BRCA2: variants seen among roughly 807,000 people sequenced by gnomAD.
BRCA2 encodes breast cancer type 2 susceptibility protein.
A neutral mutation model predicts 276.7 loss-of-function variants in BRCA2; 203 were observed. The observed-to-expected ratio is 0.73, with a 90% CI of 0.65 to 0.82. BRCA2 has a LOEUF of 0.82. BRCA2 is among the 40% of genes least tolerant of loss of function. The pLI, the probability that BRCA2 is intolerant of heterozygous loss-of-function variation, is 0.00. For synonymous variants in BRCA2, 1,289 were observed against 1,338.4 expected (o/e 0.96, Z 0.81); for missense variants, 3,920 against 3,915.0 (o/e 1.00, Z -0.03).
chr13:32,357,719 TTG>T, intron 15 of BRCA2, 21 bp from the exon 16 acceptor site: 1 of 1,601,294 alleles, frequency 6.2e-7, no homozygotes, highest in Middle Eastern at 1.7e-4. Context: ...TTTTTCTTTT[TTG>T]TGTGTGTTTA....
intron 13 of BRCA2, among the ~76,000 whole-genome samples, chr13:32,353,990 A>G (rs573436754): frequency 7.2e-5 from 11 of 152,364 alleles, no homozygotes; most frequent in African/African-American, 2.6e-4. Context: ...AATTTAAGCA[A>G]TGGAAATGAC....
rs561867693 is a variant in BRCA2, at chr13:32,323,343, C to G, written c.317-1733C>G. Among the ~76,000 whole-genome samples the G allele has an allele frequency of 2.6e-5, 4 of 152,004 alleles. No individual in the cohort carries two copies. In the East Asian group the frequency reaches 5.8e-4, roughly 22 times the overall value. ...GATTTTTTTGTATTTTTAGTAGAGA[C>G]GGGGTTTCACTGTGTTAGCCAGGAT... On this transcript the variant is annotated intron_variant, in intron 3 of 26. Transcript: ENST00000380152.
chr13:32,357,159 T>C (rs972815316), intron 15 of BRCA2, among the ~76,000 whole-genome samples: 1 of 152,202 alleles, frequency 6.6e-6, no homozygotes, highest in African/African-American at 2.4e-5. Flanking sequence ...TGTTACTTTG[T>C]TTCCATTTTG....
rs587781965 is a variant in BRCA2, at chr13:32,340,644, A to G, written c.6289A>G (p.Thr2097Ala). Residue 2097 changes from threonine to alanine, a missense_variant, in exon 11 of 27, where the codon ACG becomes GCG. Physicochemically the swap from Thr to Ala is moderately conservative, Grantham distance 58 (BLOSUM62 0). Coordinates refer to ENST00000380152, the MANE Select transcript of BRCA2 (RefSeq NM_000059.4). ...RTEHSLHYSP[T>A]SRQNVSKILP... The stretch of plus-strand genomic sequence containing the variant: ...TGAGCATAGTCTTCACTATTCACCT[A>G]CGTCTAGACAAAATGTATCAAAAAT... 1.2e-6 allele frequency: 2 copies of G among 1,606,848 alleles called. No homozygotes were observed. Among genetic ancestry groups the G allele is most frequent in the Non-Finnish European group, 1.7e-6 (2 of 1,177,866 alleles).
chr13:32,384,328 C>T (rs756768904), intron 24 of BRCA2, among the ~76,000 whole-genome samples: 1 of 152,004 alleles, frequency 6.6e-6, no homozygotes, highest in Non-Finnish European at 1.5e-5. Context: ...GGAGATCTTA[C>T]TGAGTTCCAG....
At chr13:32,329,993 C>T (rs2072377153) in intron 8 of BRCA2, among the ~76,000 whole-genome samples, 5 of 152,104 alleles carry the variant, frequency 3.3e-5, no homozygotes, top group Admixed American at 3.3e-4. Flanking sequence ...TTGTTCTGTA[C>T]TCATGTGGCA....
rs28897725 is a variant in BRCA2 at position 32,338,518 on chromosome 13, C to G, written c.4163C>G (p.Thr1388Ser). The G allele has an allele frequency of 6.2e-7, 1 of 1,603,466 alleles. No individual in the cohort carries two copies. The highest frequency in any genetic ancestry group is 1.3e-5 in the African/African-American group (1 of 74,332). ...TQIKEDLSDL[T>S]FLEVAKAQEA... ...ATTAAAGAAGATTTGTCAGATTTAA[C>G]TTTTTTGGAAGTTGCGAAAGCTCAA... Residue 1388 changes from threonine to serine, a missense_variant, in exon 11 of 27, where the codon ACT (threonine) becomes AGT (serine). Thr to Ser is a moderately conservative substitution (Grantham distance 58). Coordinates refer to ENST00000380152, the MANE Select transcript of BRCA2 (RefSeq NM_000059.4).
rs35930474 is a variant in BRCA2, at chr13:32,399,786, CT to C, written c.*1031del. 280 of 139,210 alleles carry C rather than the reference CT, an allele frequency of 2.0e-3. No homozygotes were observed. The highest frequency in any genetic ancestry group is 2.4e-3 in the East Asian group (12 of 4,986). 8.6% of individuals were successfully genotyped at this position (139,210 alleles called of 1,614,324 possible). On this transcript the variant is annotated 3_prime_UTR_variant, in exon 27 of 27. Coordinates refer to ENST00000380152, the MANE Select transcript of BRCA2 (RefSeq NM_000059.4). ...AGATGATACTCTCATTTGTTACGTC[CT>C]TTTTTTTTTTTTTTGGAGATGGAGT... is the stretch of plus-strand genomic sequence containing the variant.
chr13:32,379,286 C>G (rs2072896127), intron 21 of BRCA2, 31 bp from the exon 22 acceptor site: 1 of 1,610,688 alleles, frequency 6.2e-7, no homozygotes, highest in Non-Finnish European at 8.5e-7. Context: ...GTTCTGATTG[C>G]TTTTTATTCC....
chr13:32,350,650 G>A (rs2072642428), intron 13 of BRCA2, among the ~76,000 whole-genome samples: 1 of 152,172 alleles, frequency 6.6e-6, no homozygotes, highest in Non-Finnish European at 1.5e-5. Context: ...CTACTTGGGA[G>A]GCTGAGGCAG....
intron 6 of BRCA2, 62 bp downstream of exon 6, chr13:32,326,344 T>C: frequency 6.4e-7 from 1 of 1,557,834 alleles, no homozygotes. Context: ...AATAGCGTTA[T>C]ACCTTTGCCC....
At chr13:32,319,792 T>A (rs1168992574) in intron 3 of BRCA2, among the ~76,000 whole-genome samples, 1 of 152,214 alleles carries the variant, frequency 6.6e-6, no homozygotes, top group Non-Finnish European at 1.5e-5. Flanking sequence ...CAAATAATTA[T>A]TACCTACTTG....
rs4570704 is a variant in BRCA2 at position 32,387,951 on chromosome 13, C to T, written c.9257-6738C>T. The stretch of plus-strand genomic sequence containing the variant: ...TGCAATAAATATCAGCAAGCCCAGC[C>T]GTTCGGGCCGCTACCGGTCTCCCGC... On this transcript the variant is annotated intron_variant, in intron 24 of 26. Coordinates refer to ENST00000380152, the MANE Select transcript of BRCA2 (RefSeq NM_000059.4). 0.52 allele frequency among the ~76,000 whole-genome samples: 78,500 copies of T among 151,816 alleles called. 20,388 individuals are homozygous for T. The highest frequency in any genetic ancestry group is 0.57 in the East Asian group (2,945 of 5,170).
Position 32,319,044 on chromosome 13 carries a change from T to C in BRCA2, c.68-33T>C, listed in dbSNP as rs780782927. 4 of 1,610,094 alleles carry C rather than the reference T, an allele frequency of 2.5e-6. No homozygotes were observed. The East Asian group carries it at 8.9e-5, about 36-fold the overall frequency. ...GGGTCACAAATTTGTCTGTCACTGG[T>C]TAAAACTAAGGTGGGATTTTTTTTT... is the stretch of plus-strand genomic sequence containing the variant. On this transcript the variant is annotated intron_variant, in intron 2 of 26. Coordinates refer to ENST00000380152, the MANE Select transcript of BRCA2 (RefSeq NM_000059.4).
intron 2 of BRCA2, among the ~76,000 whole-genome samples, chr13:32,317,110 A>G (rs543141194): frequency 4.6e-5 from 7 of 152,342 alleles, no homozygotes; most frequent in African/African-American, 1.7e-4. Context: ...GAGGCAGGAG[A>G]ATCGCTTGAA....
chr13:32,394,799 A>G lies in BRCA2; in HGVS notation c.9367A>G (p.Ser3123Gly), dbSNP rs80359208. 8 of 1,614,150 alleles carry G rather than the reference A, an allele frequency of 5.0e-6. No individual in the cohort carries two copies. The highest frequency in any genetic ancestry group is 6.8e-6 in the Non-Finnish European group (8 of 1,180,008). Reference protein sequence around the residue: ...IIKPHMLIAASNLQWRPESKS... With the variant: ...IIKPHMLIAAGNLQWRPESKS... ...TAAGCCTCATATGTTAATTGCTGCAAGCAACCTCCAGTGGCGACCAGAATC... is the reference window on the plus strand; with the variant it reads ...TAAGCCTCATATGTTAATTGCTGCAGGCAACCTCCAGTGGCGACCAGAATC... The change falls in exon 25 of 27, where the codon AGC (serine) becomes GGC (glycine). Residue 3123 changes from serine (S) to glycine (G), a missense_variant. Physicochemically the swap from Ser to Gly is moderately conservative, Grantham distance 56. This residue lies in a region of BRCA2 where 657 missense variants were observed against 758.2 expected (regional missense o/e 0.87). Coordinates refer to ENST00000380152, the MANE Select transcript of BRCA2 (RefSeq NM_000059.4).
In BRCA2 at chr13:32,385,743, A is replaced by G. The variant is rs551798807; in HGVS notation, c.9256+5598A>G. On this transcript the variant is annotated intron_variant, in intron 24 of 26. Transcript: ENST00000380152. ...AGTATATAGAAGCAGGCAATCACAG[A>G]AAAGCTGAAGACACTTTTCAAAAAG... 3.9e-4 allele frequency: 73 copies of G among 187,594 alleles called. 1 individual carries two copies. The South Asian group carries it at 7.9e-3, about 20-fold the overall frequency. The allele number at this position is 187,594 out of a possible 1,614,324, so 11.6% of individuals were successfully genotyped here. A position where few individuals can be genotyped will look rare whatever the true frequency, so the allele number is the denominator to read the frequency against.
At chr13:32,318,470 C>G (rs1455691264) in intron 2 of BRCA2, among the ~76,000 whole-genome samples, 2 of 150,292 alleles carry the variant, frequency 1.3e-5, no homozygotes, top group African/African-American at 4.9e-5. Flanking sequence ...GAGACACAGT[C>G]TTGCTCTGTT....
At chr13:32,319,348 C>T (rs1234754583) in intron 3 of BRCA2, 23 bp downstream of exon 3, 1 of 1,591,990 alleles carries the variant, frequency 6.3e-7, no homozygotes, top group African/African-American at 1.3e-5. Flanking sequence ...ATATGGTAGA[C>T]TGGGGAGAAC....
Sources: allele counts gnomAD v4.1 joint callset (sites outside exome capture counted in the v4.1 genomes callset), GRCh38; gene constraint gnomAD v4.1.1; regional missense constraint gnomAD v4.1.1; transcripts MANE v1.5; gene names NCBI Gene and HGNC (gene_info 2026-07-23, HGNC 2026-07-21).